The following STK32B variants were observed in gnomAD, a reference collection of about 807,000 sequenced individuals.
STK32B encodes the protein serine/threonine kinase 32B.
STK32B carries 43 observed loss-of-function variants against 52.6 expected under a neutral mutation model. That is an observed-to-expected ratio of 0.82 (90% CI 0.64 to 1.05). STK32B has a LOEUF of 1.05. Ranked by LOEUF, STK32B falls within the 50% of genes least tolerant of loss-of-function variation. The pLI, the probability that STK32B is intolerant of heterozygous loss-of-function variation, is 0.00. For missense variants in STK32B, 621 were observed against 534.6 expected (o/e 1.16, Z -1.59); for synonymous variants, 238 against 204.3 (o/e 1.17, Z -1.41).
At chr4:5,033,115 C>T in the STK32B span, among the ~76,000 whole-genome samples, 1 of 152,144 alleles carries the variant, frequency 6.6e-6, no homozygotes, top group African/African-American at 2.4e-5. Flanking sequence ...AACACAGTCC[C>T]CAACCACCAA....
chr4:5,071,567 A>G (rs1711778614), intron 1 of STK32B, among the ~76,000 whole-genome samples: 1 of 152,194 alleles, frequency 6.6e-6, no homozygotes, highest in Admixed American at 6.6e-5. Flanking sequence ...ACAAAATCGA[A>G]AAGTCATTGC....
At chr4:5,415,831 T>C (rs1459310809) in intron 5 of STK32B, among the ~76,000 whole-genome samples, 1 of 152,112 alleles carries the variant, frequency 6.6e-6, no homozygotes, top group Non-Finnish European at 1.5e-5. Context: ...GCCCCTCCCA[T>C]ATGTAGTCCC....
chr4:5,117,240 A>G (rs1289262904), intron 1 of STK32B, among the ~76,000 whole-genome samples: 1 of 152,322 alleles, frequency 6.6e-6, no homozygotes, highest in East Asian at 1.9e-4. Context: ...AAGAGCCTTC[A>G]GCTTTTCATC....
chr4:5,019,670 C>G, the STK32B span, among the ~76,000 whole-genome samples: 1 of 152,124 alleles, frequency 6.6e-6, no homozygotes, highest in Non-Finnish European at 1.5e-5. Context: ...GAGGGGGTGA[C>G]AGAGGGTGGC....
At chr4:5,437,515 TC>T (rs879910783) in intron 6 of STK32B, among the ~76,000 whole-genome samples, 16 of 152,354 alleles carry the variant, frequency 1.1e-4, no homozygotes, top group Middle Eastern at 6.8e-3. Flanking sequence ...TAGGGCCCAA[TC>T]TAAATCCAGG....
intron 3 of STK32B, among the ~76,000 whole-genome samples, chr4:5,187,751 A>C (rs1720861227): frequency 6.6e-6 from 1 of 152,212 alleles, no homozygotes; most frequent in South Asian, 2.1e-4. Flanking sequence ...TTTGATTATG[A>C]TGAGCTAGTA....
At chr4:5,159,899 G>A (rs1477467829) in intron 2 of STK32B, among the ~76,000 whole-genome samples, 1 of 151,712 alleles carries the variant, frequency 6.6e-6, no homozygotes, top group South Asian at 2.1e-4. Flanking sequence ...GGCTGGAGAC[G>A]CAGGAAGGAG....
chr4:5,050,181 A>G (rs1237479083), upstream of STK32B, among the ~76,000 whole-genome samples: 1 of 152,208 alleles, frequency 6.6e-6, no homozygotes, highest in African/African-American at 2.4e-5. Flanking sequence ...GAAAGGCAAG[A>G]AATATTTATT....
chr4:5,303,139 C>A (rs1013840063), intron 3 of STK32B, among the ~76,000 whole-genome samples: 34 of 152,030 alleles, frequency 2.2e-4, no homozygotes, highest in Admixed American at 1.7e-3. Context: ...CTGCCGTAAA[C>A]ATGTGTGTGC....
chr4:5,361,917 C>A (rs1047980804), intron 4 of STK32B, among the ~76,000 whole-genome samples: 1 of 152,180 alleles, frequency 6.6e-6, no homozygotes, highest in Non-Finnish European at 1.5e-5. Flanking sequence ...ATGTCAAAAT[C>A]AGCATTGCAG....
At chr4:5,435,682 CT>C (rs2109098617) in intron 6 of STK32B, 1 of 152,234 alleles carries the variant, frequency 6.6e-6, no homozygotes, top group South Asian at 2.1e-4. Context: ...CAAATTTTTC[CT>C]GCATATCTTC....
At chr4:5,264,699 A>C (rs1577264424) in intron 3 of STK32B, among the ~76,000 whole-genome samples, 1 of 152,072 alleles carries the variant, frequency 6.6e-6, no homozygotes, top group South Asian at 2.1e-4. Flanking sequence ...AGGCAGGAGA[A>C]TGGCGTGAAC....
rs1716972499 is a variant in STK32B, at chr4:5,460,852, G to A, written c.909+624G>A. On this transcript the variant is annotated intron_variant, in intron 9 of 11. Transcript: ENST00000282908. This position sits in a 1 kb window ranked among gnomAD's most constrained non-coding sequence, Gnocchi z 4.8. Reference sequence around the variant, plus strand: ...AATATAATAGGAAATGGGGCCAGGAGGGAACACATGCCACACCAAAAAGGC... The same window carrying A: ...AATATAATAGGAAATGGGGCCAGGAAGGAACACATGCCACACCAAAAAGGC... Among the ~76,000 whole-genome samples, 1 of 152,226 alleles carries A rather than the reference G, an allele frequency of 6.6e-6. No homozygotes were observed. The highest frequency in any genetic ancestry group is 6.5e-5 in the Admixed American group (1 of 15,284).
chr4:5,439,675 GC>G (rs1458056594), intron 6 of STK32B, among the ~76,000 whole-genome samples: 2 of 152,158 alleles, frequency 1.3e-5, no homozygotes, highest in Non-Finnish European at 2.9e-5. Context: ...TGAAGTCCTT[GC>G]CCTTGCCTAT....
intron 3 of STK32B, among the ~76,000 whole-genome samples, chr4:5,184,033 T>G (rs1294327678): frequency 1.3e-5 from 2 of 152,240 alleles, no homozygotes; most frequent in African/African-American, 2.4e-5. Context: ...ATTGTTATGT[T>G]CACTGGAGTA....
At chr4:5,371,823 A>G (rs1329655643) in intron 4 of STK32B, among the ~76,000 whole-genome samples, 2 of 152,250 alleles carry the variant, frequency 1.3e-5, no homozygotes, top group African/African-American at 4.8e-5. Flanking sequence ...CTTGAGCCCC[A>G]GGACAGAGTT....
chr4:5,321,862 C>T (rs894585495), intron 3 of STK32B, among the ~76,000 whole-genome samples: 4 of 152,024 alleles, frequency 2.6e-5, no homozygotes, highest in Admixed American at 2.0e-4. Flanking sequence ...CTCATCTTGT[C>T]GCCTTGGTCT....
chr4:5,334,442 C>T (rs1036719605), intron 4 of STK32B, among the ~76,000 whole-genome samples: 1 of 152,104 alleles, frequency 6.6e-6, no homozygotes, highest in African/African-American at 2.4e-5. Context: ...ATTTGACATC[C>T]TCTTTTCCTA....
At chr4:5,063,728 A>G (rs568616518) in intron 1 of STK32B, among the ~76,000 whole-genome samples, 58 of 152,292 alleles carry the variant, frequency 3.8e-4, no homozygotes, top group Non-Finnish European at 6.6e-4. Flanking sequence ...CACTTTCAGC[A>G]TGTCTTAATC....
Sources: gnomAD v4.1 joint callset for allele counts (sites outside exome capture counted in the v4.1 genomes callset) on GRCh38, gnomAD v4.1.1 for gene constraint, Gnocchi (gnomAD v3.1) non-coding constraint, MANE v1.5 for transcripts, NCBI Gene and HGNC (gene_info 2026-07-23, HGNC 2026-07-21) for gene names.